Variants in ARHGAP24 observed in about 807,000 individuals in gnomAD.
ARHGAP24 encodes Rho GTPase activating protein 24.
In ARHGAP24, 50 loss-of-function variants were observed where a neutral mutation model predicts 76.4. The ratio of observed to expected loss-of-function variants is 0.65; its 90% CI spans 0.52 to 0.83. ARHGAP24 has a LOEUF of 0.83. Among genes scored for constraint, ARHGAP24 ranks in the 40% least tolerant of loss-of-function variants. The pLI, the probability that ARHGAP24 is intolerant of heterozygous loss-of-function variation, is 0.00. For missense variants in ARHGAP24, 930 were observed against 914.2 expected, an observed-to-expected ratio of 1.02 and a Z score of -0.22; for synonymous variants, 345 against 323.3, an observed-to-expected ratio of 1.07 and a Z score of -0.72.
chr4:85,522,438 C>G (rs1169245975), intron 1 of ARHGAP24, among the ~76,000 whole-genome samples: 1 of 152,114 alleles, frequency 6.6e-6, no homozygotes, highest in Non-Finnish European at 1.5e-5. Flanking sequence ...TGTACAATGA[C>G]TGGTGTTGGT....
intron 2 of ARHGAP24, among the ~76,000 whole-genome samples, chr4:85,597,056 T>C (rs1719867423): frequency 6.6e-6 from 1 of 152,128 alleles, no homozygotes; most frequent in African/African-American, 2.4e-5. Context: ...TGAAAAATGC[T>C]GTTTCTTCAA....
chr4:85,677,307 C>T (rs1723019810), intron 2 of ARHGAP24, among the ~76,000 whole-genome samples: 1 of 152,128 alleles, frequency 6.6e-6, no homozygotes, highest in African/African-American at 2.4e-5. Context: ...GCAGGCAACC[C>T]ACATTTTATA....
intron 1 of ARHGAP24, among the ~76,000 whole-genome samples, chr4:85,507,854 A>G (rs1724127054): frequency 6.6e-6 from 1 of 152,196 alleles, no homozygotes; most frequent in African/African-American, 2.4e-5. Context: ...AAATAAATCA[A>G]CAAATGAATG....
intron 4 of ARHGAP24, among the ~76,000 whole-genome samples, chr4:85,928,557 C>T (rs1022992669): frequency 4.6e-5 from 7 of 152,008 alleles, no homozygotes; most frequent in Admixed American, 6.6e-5. Context: ...TCCCTGGTTC[C>T]AGTGATTCTC....
chr4:85,888,034 AC>A (rs1733662717), intron 3 of ARHGAP24, among the ~76,000 whole-genome samples: 1 of 152,084 alleles, frequency 6.6e-6, no homozygotes, highest in Non-Finnish European at 1.5e-5. Flanking sequence ...AATCAATCTT[AC>A]CTATGACCTC....
intron 3 of ARHGAP24, among the ~76,000 whole-genome samples, chr4:85,792,752 A>C (rs1227038529): frequency 6.6e-6 from 1 of 152,164 alleles, no homozygotes; most frequent in East Asian, 1.9e-4. Flanking sequence ...TTCCTGTTTT[A>C]GAAATCTGAG....
intron 2 of ARHGAP24, among the ~76,000 whole-genome samples, chr4:85,652,791 A>T (rs1170031001): frequency 6.6e-6 from 1 of 152,144 alleles, no homozygotes; most frequent in Non-Finnish European, 1.5e-5. Context: ...GGCAGAGGCA[A>T]TTGTTACACT....
intron 3 of ARHGAP24, among the ~76,000 whole-genome samples, chr4:85,881,973 C>T (rs542873804): frequency 3.9e-5 from 6 of 152,030 alleles, no homozygotes; most frequent in Non-Finnish European, 8.8e-5. Context: ...TTTTATATTC[C>T]GTAGTCATAT....
chr4:85,516,857 A>G (rs1254330466), intron 1 of ARHGAP24, among the ~76,000 whole-genome samples: 1 of 152,092 alleles, frequency 6.6e-6, no homozygotes, highest in Non-Finnish European at 1.5e-5. Context: ...CATAGCTGTA[A>G]GGGCTTTCCT....
intron 3 of ARHGAP24, among the ~76,000 whole-genome samples, chr4:85,729,742 A>T (rs1007947712): frequency 6.6e-6 from 1 of 152,232 alleles, no homozygotes; most frequent in African/African-American, 2.4e-5. Flanking sequence ...ATGTGGCTGT[A>T]TGTCAATAAA....
intron 1 of ARHGAP24, among the ~76,000 whole-genome samples, chr4:85,521,413 T>TAG (rs1194301424): frequency 3.3e-5 from 5 of 152,120 alleles, no homozygotes; most frequent in Admixed American, 6.6e-5. Context: ...GAAAAAGTAA[T>TAG]ATATATATTA....
intron 2 of ARHGAP24, among the ~76,000 whole-genome samples, chr4:85,668,950 T>C (rs2109999939): frequency 6.6e-6 from 1 of 152,308 alleles, no homozygotes; most frequent in African/African-American, 2.4e-5. Context: ...TGAACTAAGA[T>C]GAACATTGAA....
At chr4:85,594,062 T>C (rs1019680173) in intron 2 of ARHGAP24, among the ~76,000 whole-genome samples, 10 of 152,130 alleles carry the variant, frequency 6.6e-5, no homozygotes, top group African/African-American at 2.4e-4. Context: ...ATTTTAGCGA[T>C]TTTGATTCTT....
rs76287764 is a variant in ARHGAP24, at chr4:85,992,273, T to G, written c.929-2310T>G. On this transcript the variant is annotated intron_variant, in intron 8 of 9. Transcript: ENST00000395184. ...CTGTCCTAAACAACTATAAAAATTC[T>G]AAGAAAGTCTCTTTACAAGGGGCTA... 3,934 of 394,040 alleles carry G rather than the reference T, an allele frequency of 1.0e-2. 162 individuals are homozygous for G. The highest frequency in any genetic ancestry group is 0.075 in the African/African-American group (3,635 of 48,556). The allele number at this position is 394,040 out of a possible 1,614,324, so 24.4% of individuals were successfully genotyped here.
At chr4:85,963,029 T>C (rs1414869718) in intron 5 of ARHGAP24, among the ~76,000 whole-genome samples, 2 of 152,062 alleles carry the variant, frequency 1.3e-5, no homozygotes, top group Non-Finnish European at 2.9e-5. Context: ...CATTTATGTG[T>C]GTGTAATATG....
chr4:85,900,815 G>A (rs556731065), intron 3 of ARHGAP24, among the ~76,000 whole-genome samples: 58 of 152,246 alleles, frequency 3.8e-4, no homozygotes, highest in Middle Eastern at 3.4e-3. Context: ...GTGGTTTTGC[G>A]TTGAACACAA....
chr4:85,521,700 C>T (rs1278672833), intron 1 of ARHGAP24, among the ~76,000 whole-genome samples: 1 of 152,084 alleles, frequency 6.6e-6, no homozygotes, highest in Non-Finnish European at 1.5e-5. Context: ...AAATTACAGC[C>T]TACTTTGATG....
At chr4:85,955,977 A>C (rs1261728538) in intron 5 of ARHGAP24, among the ~76,000 whole-genome samples, 1 of 152,222 alleles carries the variant, frequency 6.6e-6, no homozygotes, top group South Asian at 2.1e-4. Flanking sequence ...CAAACTCTAA[A>C]GATTTCAGTA....
chr4:85,664,395 T>C (rs1310662608), intron 2 of ARHGAP24, among the ~76,000 whole-genome samples: 2 of 151,240 alleles, frequency 1.3e-5, no homozygotes, highest in Non-Finnish European at 2.9e-5. Context: ...ATTTGATTCT[T>C]CTCTCTTTTC....
Sources: allele counts gnomAD v4.1 joint callset (sites outside exome capture counted in the v4.1 genomes callset), GRCh38; gene constraint gnomAD v4.1.1; transcripts MANE v1.5; gene names NCBI Gene and HGNC (gene_info 2026-07-23, HGNC 2026-07-21).